MYO9A: variants seen among roughly 807,000 people sequenced by gnomAD.
MYO9A encodes the protein unconventional myosin-IXa.
In MYO9A, 103 loss-of-function variants were observed where a neutral mutation model predicts 293.3. That is an observed-to-expected ratio of 0.35 (90% CI 0.30 to 0.41). The LOEUF is 0.41. MYO9A is among the 10% of genes least tolerant of loss of function. The probability of loss-of-function intolerance (pLI) is 1.00; values close to 1 mark genes in which losing one functional copy is unlikely to be tolerated. For synonymous variants in MYO9A, 1,001 were observed against 1,035.7 expected, an observed-to-expected ratio of 0.97 and a Z score of 0.64; for missense variants, 2,685 against 3,033.0, an observed-to-expected ratio of 0.89 and a Z score of 2.69.
chr15:72,070,752 T>G (rs1366066571), intron 1 of MYO9A, among the ~76,000 whole-genome samples: 2 of 152,136 alleles, frequency 1.3e-5, no homozygotes, highest in African/African-American at 4.8e-5. Flanking sequence ...CAAAGCCACA[T>G]ACCTACAACC....
chr15:71,954,911 A>T (rs970716011), intron 14 of MYO9A, among the ~76,000 whole-genome samples: 1 of 152,202 alleles, frequency 6.6e-6, no homozygotes, highest in Non-Finnish European at 1.5e-5. Context: ...CCTTAAGGCC[A>T]TTTTTAAAAG....
intron 2 of MYO9A, among the ~76,000 whole-genome samples, chr15:72,039,560 G>A (rs1348397317): frequency 6.6e-6 from 1 of 152,158 alleles, no homozygotes; most frequent in Non-Finnish European, 1.5e-5. Flanking sequence ...GCCAGGCACA[G>A]TGGCTCATGC....
chr15:72,046,718 T>C, intron 1 of MYO9A, 84 bp from the exon 2 acceptor site: 2 of 890,942 alleles, frequency 2.2e-6, no homozygotes, highest in South Asian at 2.6e-5. Flanking sequence ...AACAAGCATG[T>C]TGATTACATC....
intron 1 of MYO9A, among the ~76,000 whole-genome samples, chr15:72,068,742 G>A (rs1337031351): frequency 6.6e-6 from 1 of 152,096 alleles, no homozygotes; most frequent in Non-Finnish European, 1.5e-5. Context: ...CCCACAAAGT[G>A]CTGGGATTAC....
intron 27 of MYO9A, among the ~76,000 whole-genome samples, chr15:71,884,404 G>A (rs559872962): frequency 3.9e-5 from 6 of 152,116 alleles, no homozygotes; most frequent in Non-Finnish European, 8.8e-5. Flanking sequence ...CAGGCACAGT[G>A]CTTACAAAAT....
intron 21 of MYO9A, 98 bp downstream of exon 21, chr15:71,903,831 A>T: frequency 9.6e-7 from 1 of 1,036,492 alleles, no homozygotes; most frequent in Non-Finnish European, 1.4e-6. Flanking sequence ...GGAAGAATTA[A>T]GGAAAATAAG....
intron 27 of MYO9A, among the ~76,000 whole-genome samples, chr15:71,887,739 T>A (rs2057063360): frequency 6.6e-6 from 1 of 152,182 alleles, no homozygotes; most frequent in African/African-American, 2.4e-5. Context: ...CTCTTGTTAA[T>A]CTGTCTTTTG....
At chr15:71,845,206 T>C (rs970285150) in intron 39 of MYO9A, among the ~76,000 whole-genome samples, 15 of 152,252 alleles carry the variant, frequency 9.9e-5, no homozygotes, top group African/African-American at 3.4e-4. Flanking sequence ...TTGTTTTGTG[T>C]GGTATTATAA....
intron 11 of MYO9A, among the ~76,000 whole-genome samples, chr15:71,990,437 T>A (rs549008326): frequency 1.3e-5 from 2 of 152,178 alleles, no homozygotes; most frequent in African/African-American, 4.8e-5. Flanking sequence ...TACAATGATA[T>A]GTGGACCACA....
intron 18 of MYO9A, among the ~76,000 whole-genome samples, chr15:71,917,760 A>G (rs1757563929): frequency 6.6e-6 from 1 of 152,220 alleles, no homozygotes; most frequent in African/African-American, 2.4e-5. Context: ...ACAGATGTAA[A>G]CTATATGTTA....
chr15:72,100,899 G>T (rs1401853751), intron 1 of MYO9A, among the ~76,000 whole-genome samples: 3 of 141,610 alleles, frequency 2.1e-5, no homozygotes, highest in East Asian at 4.5e-4. Flanking sequence ...CCGGCCAGCC[G>T]CCCGGTCCGG....
intron 10 of MYO9A, 114 bp downstream of exon 10, chr15:71,994,355 A>G (rs2076635336): frequency 5.2e-6 from 3 of 578,756 alleles, no homozygotes; most frequent in African/African-American, 1.9e-5. Flanking sequence ...AACAAATAAA[A>G]GCGATTTCTT....
chr15:72,118,289 A>AT (rs1378056826), upstream of MYO9A: 2 of 277,910 alleles, frequency 7.2e-6, no homozygotes, highest in African/African-American at 2.2e-5. Flanking sequence ...CCCCGCCCAA[A>AT]TTTTTTCTTC....
rs1316570211 is a variant in MYO9A at position 71,938,957 on chromosome 15, A to T, written c.2303-30T>A. 4 of 1,519,080 alleles carry T rather than the reference A, an allele frequency of 2.6e-6. No individual in the cohort carries two copies. The South Asian group carries it at 4.7e-5, about 18-fold the overall frequency. The allele number at this position is 1,519,080 out of a possible 1,614,324, so 94.1% of individuals were successfully genotyped here. A position where few individuals can be genotyped will look rare whatever the true frequency, so the allele number is the denominator to read the frequency against. On this transcript the variant is annotated intron_variant, in intron 15 of 41. Transcript: ENST00000356056. The stretch of plus-strand genomic sequence containing the variant: ...CAAAATTTAAAAAACAGAAAATTTC[A>T]AATCAGTGCAAAGAAAAATGAAACG...
At chr15:71,830,021 TAATA>T (rs2054653855) in intron 40 of MYO9A, 84 bp downstream of exon 40, 2 of 1,319,298 alleles carry the variant, frequency 1.5e-6, no homozygotes, top group African/African-American at 1.5e-5. Context: ...ACACAGGAGA[TAATA>T]AATAAGAAAA....
At chr15:71,830,078 A>G in intron 40 of MYO9A, 31 bp downstream of exon 40, 1 of 1,602,338 alleles carries the variant, frequency 6.2e-7, no homozygotes, top group Non-Finnish European at 8.5e-7. Context: ...ACAGACTATA[A>G]CTGTCTCTCC....
chr15:72,103,423 AAGC>A (rs1171430518), intron 1 of MYO9A, among the ~76,000 whole-genome samples: 1 of 146,084 alleles, frequency 6.8e-6, no homozygotes, highest in Non-Finnish European at 1.5e-5. Flanking sequence ...GCAGCAGCAG[AAGC>A]AGCAGCAGCA....
intron 39 of MYO9A, among the ~76,000 whole-genome samples, chr15:71,833,133 A>T (rs2054796269): frequency 6.6e-6 from 1 of 152,102 alleles, no homozygotes; most frequent in Admixed American, 6.5e-5. Flanking sequence ...AGTAGATTTT[A>T]AGCCCAAATA....
intron 18 of MYO9A, among the ~76,000 whole-genome samples, chr15:71,925,810 A>T (rs1435144509): frequency 6.6e-6 from 1 of 152,230 alleles, no homozygotes; most frequent in African/African-American, 2.4e-5. Context: ...AAAAGACTAT[A>T]TGCCACCATT....
Sources: gnomAD v4.1 joint callset for allele counts (sites outside exome capture counted in the v4.1 genomes callset) on GRCh38, gnomAD v4.1.1 for gene constraint, MANE v1.5 for transcripts, NCBI Gene and HGNC (gene_info 2026-07-23, HGNC 2026-07-21) for gene names.